Variants in HACD2 observed in about 807,000 individuals in gnomAD.
HACD2 encodes 3-hydroxyacyl-CoA dehydratase 2.
HACD2 carries 15 observed loss-of-function variants against 31.0 expected under a neutral mutation model. The observed-to-expected ratio is 0.48, with a 90% CI of 0.32 to 0.75. HACD2 has a LOEUF of 0.75. HACD2 is among the 30% of genes least tolerant of loss of function. HACD2 has a pLI of 0.03. For synonymous variants in HACD2, 115 were observed against 122.2 expected (o/e 0.94, Z 0.39); for missense variants, 283 against 313.0 (o/e 0.90, Z 0.72).
intron 1 of HACD2, among the ~76,000 whole-genome samples, chr3:123,583,438 A>C (rs912678443): frequency 1.3e-5 from 2 of 152,192 alleles, no homozygotes; most frequent in Middle Eastern, 3.4e-3. Flanking sequence ...ATGTTTTTTT[A>C]AAAATCAATC....
rs55844728 is a variant in HACD2 at position 123,569,988 on chromosome 3, C to CAAAAAAAAAAAA, written c.274-2220_274-2209dup. Among the ~76,000 whole-genome samples the CAAAAAAAAAAAA allele has an allele frequency of 1.5e-4, 6 of 38,714 alleles. 2 individuals are homozygous for CAAAAAAAAAAAA. Among genetic ancestry groups the CAAAAAAAAAAAA allele is most frequent in the Non-Finnish European group, 9.9e-5 (2 of 20,224 alleles). The allele number at this position is 38,714 out of a possible 152,430, so 25.4% of individuals were successfully genotyped here. A position where few individuals can be genotyped will look rare whatever the true frequency, so the allele number is the denominator to read the frequency against. ...TGGGCGAGAGAGCAACACTCCATCT[C>CAAAAAAAAAAAA]AAAAAAAAAAAAAAAAAAAAAAAAA... On this transcript the variant is annotated intron_variant, in intron 2 of 6. Coordinates refer to ENST00000383657, the MANE Select transcript of HACD2 (RefSeq NM_198402.5).
rs868863144 is a variant in HACD2 at position 123,507,949 on chromosome 3, C to T, written c.382-5268G>A. ...GCTGAGGTGAGAGGATAGCTTAAGGCCAGGAGTTCGAGACTAGCCTGTGCA... is the reference window on the plus strand; with the variant it reads ...GCTGAGGTGAGAGGATAGCTTAAGGTCAGGAGTTCGAGACTAGCCTGTGCA... On this transcript the variant is annotated intron_variant, in intron 4 of 6. Transcript: ENST00000383657. Among the ~76,000 whole-genome samples, 8 of 151,776 alleles carry T rather than the reference C, an allele frequency of 5.3e-5. No individual in the cohort carries two copies. In the Middle Eastern group the frequency reaches 0.01, roughly 194 times the overall value.
intron 3 of HACD2, among the ~76,000 whole-genome samples, chr3:123,541,255 A>C (rs1156408379): frequency 6.6e-6 from 1 of 152,160 alleles, no homozygotes; most frequent in Non-Finnish European, 1.5e-5. Context: ...TGGGCAACAG[A>C]GTGAGACTCT....
At chr3:123,566,469 AGATGGGGTCT>A in intron 3 of HACD2, among the ~76,000 whole-genome samples, 1 of 151,806 alleles carries the variant, frequency 6.6e-6, no homozygotes, top group African/African-American at 2.4e-5. Context: ...TTTTTTGTAG[AGATGGGGTCT>A]CCCTGTGTTG....
intron 1 of HACD2, chr3:123,584,507 C>T: frequency 5.2e-6 from 1 of 192,342 alleles, no homozygotes; most frequent in African/African-American, 2.3e-5. Context: ...GTTCAACATC[C>T]GAATCTGGCC....
chr3:123,527,663 T>C (rs190386416), intron 4 of HACD2, among the ~76,000 whole-genome samples: 173 of 152,284 alleles, frequency 1.1e-3, no homozygotes, highest in African/African-American at 3.0e-3. Context: ...CAAAACAAAC[T>C]GTATGCTAAA....
intron 4 of HACD2, 67 bp downstream of exon 4, chr3:123,528,319 T>C (rs2056310053): frequency 1.1e-6 from 1 of 943,512 alleles, no homozygotes. Context: ...ATAACAAACA[T>C]GTGAATCAGA....
intron 3 of HACD2, among the ~76,000 whole-genome samples, chr3:123,540,562 G>C (rs529718615): frequency 1.3e-5 from 2 of 152,248 alleles, no homozygotes; most frequent in South Asian, 4.1e-4. Flanking sequence ...TTCTCTGAGA[G>C]GACACAGTGA....
intron 6 of HACD2, among the ~76,000 whole-genome samples, chr3:123,495,731 C>T (rs1034823391): frequency 6.6e-6 from 1 of 152,042 alleles, no homozygotes. Flanking sequence ...CTGCCTCCCT[C>T]GGAACTATTT....
chr3:123,529,183 C>T (rs1401048406), intron 3 of HACD2, among the ~76,000 whole-genome samples: 1 of 152,162 alleles, frequency 6.6e-6, no homozygotes, highest in Non-Finnish European at 1.5e-5. Flanking sequence ...TCACTGCAAC[C>T]TCCACCTCCC....
chr3:123,547,939 A>C (rs1200290570), intron 3 of HACD2, among the ~76,000 whole-genome samples: 1 of 152,070 alleles, frequency 6.6e-6, no homozygotes, highest in Non-Finnish European at 1.5e-5. Flanking sequence ...AGAGAAGGCA[A>C]CTCACACTTA....
At position 123,532,137 on chromosome 3, in the gene HACD2, A is replaced by G. The variant is rs76555317; in HGVS notation, c.293-3663T>C. ...CCTTTGGCAGTAAATTTAAATCTTA[A>G]TAAGTAGTGAACAAAAAGCTGATCA... On this transcript the variant is annotated intron_variant, in intron 3 of 6. Coordinates refer to ENST00000383657, the MANE Select transcript of HACD2 (RefSeq NM_198402.5). Among the ~76,000 whole-genome samples the G allele has an allele frequency of 1.0e-3, 155 of 152,372 alleles. 1 individual carries two copies. In the East Asian group the frequency reaches 0.019, roughly 18 times the overall value.
chr3:123,582,464 T>C (rs754490424), intron 1 of HACD2, 135 bp from the exon 2 acceptor site: 18 of 519,902 alleles, frequency 3.5e-5, no homozygotes, highest in Admixed American at 2.7e-4. Flanking sequence ...TTATGGACGA[T>C]AGCTCTCAAA....
intron 4 of HACD2, among the ~76,000 whole-genome samples, chr3:123,515,718 T>C (rs895997476): frequency 1.3e-5 from 2 of 151,964 alleles, no homozygotes; most frequent in African/African-American, 4.8e-5. Flanking sequence ...ACACACATGG[T>C]GGTTTAAAAA....
rs530979566 is a variant in HACD2, at chr3:123,563,646, C to T, written c.292+4116G>A. Among the ~76,000 whole-genome samples, 379 of 43,094 alleles carry T rather than the reference C, an allele frequency of 8.8e-3. 1 individual carries two copies. The highest frequency in any genetic ancestry group is 0.014 in the African/African-American group (36 of 2,662). The allele number at this position is 43,094 out of a possible 152,430, so 28.3% of individuals were successfully genotyped here. A position where few individuals can be genotyped will look rare whatever the true frequency, so the allele number is the denominator to read the frequency against. ...TTGAATTGACAAAAAAATATATATA[C>T]ACACACACACACACACACACACACA... On this transcript the variant is annotated intron_variant, in intron 3 of 6. Transcript: ENST00000383657.
chr3:123,528,929 T>G (rs912741456), intron 3 of HACD2, among the ~76,000 whole-genome samples: 1 of 152,210 alleles, frequency 6.6e-6, no homozygotes, highest in African/African-American at 2.4e-5. Flanking sequence ...TATCTAATGG[T>G]TAAGTTAGGT....
chr3:123,561,102 T>C (rs1227076163), intron 3 of HACD2, among the ~76,000 whole-genome samples: 5 of 152,056 alleles, frequency 3.3e-5, no homozygotes, highest in Admixed American at 6.6e-5. Context: ...GGAGGGAGTG[T>C]TACAGTTCAA....
intron 2 of HACD2, among the ~76,000 whole-genome samples, chr3:123,572,633 A>G (rs976137271): frequency 6.6e-6 from 1 of 152,240 alleles, no homozygotes; most frequent in Non-Finnish European, 1.5e-5. Context: ...CATTTGCACA[A>G]TAAATTACTT....
chr3:123,539,823 A>C (rs2056466840), intron 3 of HACD2, among the ~76,000 whole-genome samples: 1 of 140,946 alleles, frequency 7.1e-6, no homozygotes, highest in Non-Finnish European at 1.5e-5. Flanking sequence ...GCGGTGGCTC[A>C]TGCCTGTAAT....
Sources: gnomAD v4.1 joint callset for allele counts (sites outside exome capture counted in the v4.1 genomes callset) on GRCh38, gnomAD v4.1.1 for gene constraint, MANE v1.5 for transcripts, NCBI Gene and HGNC (gene_info 2026-07-23, HGNC 2026-07-21) for gene names.